LARP4B: variants seen among roughly 807,000 people sequenced by gnomAD.
LARP4B encodes the protein la-related protein 4B.
LARP4B carries 12 observed loss-of-function variants against 89.8 expected under a neutral mutation model. The observed-to-expected ratio is 0.13, with a 90% CI of 0.09 to 0.22. The LOEUF is 0.22. Among genes scored for constraint, LARP4B ranks in the 10% least tolerant of loss-of-function variants. LARP4B has a pLI of 1.00. For synonymous variants in LARP4B, 367 were observed against 363.3 expected, an observed-to-expected ratio of 1.01 and a Z score of -0.12; for missense variants, 757 against 947.7, an observed-to-expected ratio of 0.80 and a Z score of 2.64.
Position 829,824 on chromosome 10 carries a change from T to C in LARP4B, c.862-90A>G. ...TCACTCAATAGCTCAAATAGGGAAA[T>C]ATATAATTAAATTATGGTGAACAGA... On this transcript the variant is annotated intron_variant, in intron 9 of 17. Transcript: ENST00000316157. The C allele has an allele frequency of 3.5e-6, 3 of 855,520 alleles. No individual in the cohort carries two copies. The South Asian group carries it at 4.3e-5, about 12-fold the overall frequency. 53.0% of individuals were successfully genotyped at this position (855,520 alleles called of 1,614,324 possible). A position where few individuals can be genotyped will look rare whatever the true frequency, so the allele number is the denominator to read the frequency against.
chr10:817,926 G>A (rs1832149562), intron 14 of LARP4B, 37 bp from the exon 15 acceptor site: 1 of 1,587,140 alleles, frequency 6.3e-7, no homozygotes, highest in Non-Finnish European at 8.6e-7. Context: ...ACGGTATGGA[G>A]AGAGAAGGCC....
rs971595496 is a variant in LARP4B at position 813,062 on chromosome 10, C to T, written c.2081G>A (p.Arg694Gln). Residue 694 changes from arginine to glutamine, a missense_variant, in exon 18 of 18, where the codon CGG (arginine) becomes CAG (glutamine). Physicochemically the swap from Arg to Gln is conservative, Grantham distance 43. Transcript: ENST00000316157. ...KKLAEPAERYREPPALKSTPG... is the reference protein window; with the variant it reads ...KKLAEPAERYQEPPALKSTPG... ...TGTGGACTTGAGGGCTGGGGGCTCC[C>T]GGTATCTCTCTGCGGGCTCTGCCAG... The T allele has an allele frequency of 6.2e-6, 10 of 1,613,950 alleles. No homozygotes were observed. Among genetic ancestry groups the T allele is most frequent in the Admixed American group, 1.7e-5 (1 of 60,000 alleles).
chr10:855,552 A>G (rs553579950), intron 5 of LARP4B, among the ~76,000 whole-genome samples: 2 of 152,166 alleles, frequency 1.3e-5, no homozygotes, highest in Non-Finnish European at 2.9e-5. Flanking sequence ...TTATATATTA[A>G]GTTTGCCACC....
At chr10:958,999 T>C in the LARP4B span, among the ~76,000 whole-genome samples, 9 of 151,698 alleles carry the variant, frequency 5.9e-5, no homozygotes, top group South Asian at 1.0e-3. Context: ...AAGAGTGGAG[T>C]CTCTGGGCAG....
intron 1 of LARP4B, among the ~76,000 whole-genome samples, chr10:922,335 CG>C (rs1229483895): frequency 2.0e-5 from 3 of 152,164 alleles, no homozygotes; most frequent in Non-Finnish European, 4.4e-5. Context: ...ATGATGGGTA[CG>C]GGTCGGACAA....
At chr10:878,063 A>G (rs187430122) in intron 3 of LARP4B, among the ~76,000 whole-genome samples, 73 of 152,330 alleles carry the variant, frequency 4.8e-4, no homozygotes, top group African/African-American at 1.5e-3. Context: ...ACCAGAACCA[A>G]TTGAGGCAGA....
At chr10:837,816 C>T (rs1371871395) in intron 7 of LARP4B, among the ~76,000 whole-genome samples, 2 of 152,116 alleles carry the variant, frequency 1.3e-5, no homozygotes, top group Non-Finnish European at 2.9e-5. Flanking sequence ...CTATCATAAC[C>T]TTGGACCAAG....
In LARP4B at chr10:814,471, T is replaced by G. The variant is rs1255183584; in HGVS notation, c.1929+271A>C. The G allele has an allele frequency of 9.4e-6, 5 of 531,882 alleles. No homozygotes were observed. The highest frequency in any genetic ancestry group is 1.7e-5 in the Non-Finnish European group (5 of 294,384). 32.9% of individuals were successfully genotyped at this position (531,882 alleles called of 1,614,324 possible). A position where few individuals can be genotyped will look rare whatever the true frequency, so the allele number is the denominator to read the frequency against. On this transcript the variant is annotated intron_variant, in intron 17 of 17. Coordinates refer to ENST00000316157, the MANE Select transcript of LARP4B (RefSeq NM_015155.3). The surrounding 1 kb of genome is among the most constrained non-coding windows in gnomAD (Gnocchi z 4.4). ...CTAAAGTCTATGGAGAAACAGGAGC[T>G]GGGGTCTTGTTACTACTCAAGAAAC...
intron 1 of LARP4B, among the ~76,000 whole-genome samples, chr10:918,900 C>A (rs1036124348): frequency 6.6e-6 from 1 of 151,682 alleles, no homozygotes; most frequent in Admixed American, 6.6e-5. Context: ...CACGGTGAAA[C>A]CCCATCTCTA....
chr10:846,843 C>A (rs528388388), intron 5 of LARP4B, among the ~76,000 whole-genome samples: 1 of 152,088 alleles, frequency 6.6e-6, no homozygotes, highest in Non-Finnish European at 1.5e-5. Context: ...ACACTCCCAC[C>A]TTCAGCAGGA....
intron 1 of LARP4B, among the ~76,000 whole-genome samples, chr10:901,582 G>A (rs1333152537): frequency 1.3e-5 from 2 of 152,072 alleles, no homozygotes; most frequent in Non-Finnish European, 2.9e-5. Context: ...TTTTTTTCAA[G>A]ATTCAGTATC....
intron 5 of LARP4B, among the ~76,000 whole-genome samples, chr10:849,354 T>C (rs555021735): frequency 4.0e-4 from 61 of 152,228 alleles, no homozygotes; most frequent in Admixed American, 2.2e-3. Context: ...AAAAACCCTA[T>C]GTTGATGGGG....
At chr10:950,904 G>T in the LARP4B span, among the ~76,000 whole-genome samples, 1 of 151,404 alleles carries the variant, frequency 6.6e-6, no homozygotes. Context: ...GATTCCTTGG[G>T]ATTTTCTCTG....
chr10:826,988 C>T (rs1832657627), intron 11 of LARP4B, among the ~76,000 whole-genome samples: 1 of 152,142 alleles, frequency 6.6e-6, no homozygotes, highest in Non-Finnish European at 1.5e-5. Context: ...AAATACATCA[C>T]ACATGGCCGG....
downstream of LARP4B, chr10:807,843 T>C (rs1555898): frequency 0.37 from 55,600 of 152,210 alleles, 11,059 homozygotes; most frequent in South Asian, 0.48. Flanking sequence ...TGGCCTATGG[T>C]CTCACCTGCT....
chr10:880,985 T>A (rs537452801), intron 3 of LARP4B, among the ~76,000 whole-genome samples: 1 of 152,182 alleles, frequency 6.6e-6, no homozygotes, highest in Non-Finnish European at 1.5e-5. Flanking sequence ...GCTGATGTAG[T>A]GTCTCCAAGG....
chr10:941,336 C>T, the LARP4B span, among the ~76,000 whole-genome samples: 681 of 137,100 alleles, frequency 5.0e-3, 4 homozygotes, highest in Admixed American at 9.6e-3. Flanking sequence ...TGTTTTGAGA[C>T]GGAGTTTCAC....
the LARP4B span, among the ~76,000 whole-genome samples, chr10:969,889 A>G: frequency 1.6e-4 from 25 of 152,256 alleles, no homozygotes; most frequent in African/African-American, 5.8e-4. Context: ...GCATGCCCAC[A>G]TGGAAGGTAA....
intron 8 of LARP4B, among the ~76,000 whole-genome samples, chr10:835,610 A>G (rs151304063): frequency 1.1e-3 from 163 of 152,370 alleles, no homozygotes; most frequent in African/African-American, 3.6e-3. Context: ...GCATCTGGAC[A>G]AACAGTAGAT....
Sources: gnomAD v4.1 joint callset for allele counts (sites outside exome capture counted in the v4.1 genomes callset) on GRCh38, gnomAD v4.1.1 for gene constraint, Gnocchi (gnomAD v3.1) non-coding constraint, MANE v1.5 for transcripts, NCBI Gene and HGNC (gene_info 2026-07-23, HGNC 2026-07-21) for gene names.